Variants in ME3 observed in about 807,000 individuals in gnomAD.
ME3 encodes the protein NADP-dependent malic enzyme, mitochondrial.
A neutral mutation model predicts 68.9 loss-of-function variants in ME3; 48 were observed. The ratio of observed to expected loss-of-function variants is 0.70; its 90% CI spans 0.55 to 0.89. The LOEUF is 0.89. Among genes scored for constraint, ME3 ranks in the 40% least tolerant of loss-of-function variants. ME3 has a pLI of 0.00. For synonymous variants in ME3, 320 were observed against 318.8 expected (o/e 1.00, Z -0.04); for missense variants, 675 against 797.4 (o/e 0.85, Z 1.85).
chr11:86,614,651 G>A (rs535711711), intron 2 of ME3, among the ~76,000 whole-genome samples: 1 of 152,152 alleles, frequency 6.6e-6, no homozygotes, highest in East Asian at 1.9e-4. Context: ...TTAGCAACAG[G>A]CACCAACCAG....
intron 13 of ME3, 80 bp from the exon 14 acceptor site, chr11:86,442,999 C>T: frequency 9.2e-7 from 1 of 1,090,264 alleles, no homozygotes; most frequent in Non-Finnish European, 1.4e-6. Context: ...ACCCCAGAGA[C>T]TCACCCCACC....
chr11:86,511,176 C>T (rs988957118), intron 4 of ME3, among the ~76,000 whole-genome samples: 6 of 152,200 alleles, frequency 3.9e-5, no homozygotes, highest in Non-Finnish European at 8.8e-5. Flanking sequence ...TCCACTCTTG[C>T]CTCTCTCCTA....
chr11:86,514,803 G>A (rs1953778279), intron 4 of ME3, among the ~76,000 whole-genome samples: 1 of 152,130 alleles, frequency 6.6e-6, no homozygotes, highest in South Asian at 2.1e-4. Context: ...GTGTCTGCTG[G>A]CCCATAGTAA....
At position 86,540,613 on chromosome 11, in the gene ME3, A is replaced by G. The variant is rs536079273; in HGVS notation, c.467+15940T>C. 1.1e-4 allele frequency among the ~76,000 whole-genome samples: 17 copies of G among 152,352 alleles called. No homozygotes were observed. In the South Asian group the frequency reaches 3.5e-3, roughly 32 times the overall value. ...GTCTATAAGAAATCAGTTCATAGAT[A>G]AAGATTTCAATGTTACCACTTCAGA... On this transcript the variant is annotated intron_variant, in intron 4 of 14. Coordinates refer to ENST00000543262, the Ensembl canonical transcript of ME3.
intron 5 of ME3, among the ~76,000 whole-genome samples, chr11:86,504,983 GCA>G (rs1952976181): frequency 6.6e-6 from 1 of 152,192 alleles, no homozygotes; most frequent in African/African-American, 2.4e-5. Flanking sequence ...GAGCCACCAT[GCA>G]CAGTCTCACT....
At chr11:86,468,172 C>T (rs372561741) in intron 7 of ME3, among the ~76,000 whole-genome samples, 228 of 152,310 alleles carry the variant, frequency 1.5e-3, no homozygotes, top group African/African-American at 4.8e-3. Flanking sequence ...GACCTCTGAG[C>T]CCTTCACCAT....
At chr11:86,664,656 C>T (rs890997756) in intron 2 of ME3, among the ~76,000 whole-genome samples, 8 of 152,110 alleles carry the variant, frequency 5.3e-5, no homozygotes, top group African/African-American at 1.9e-4. Context: ...AAATTCCGAG[C>T]AGGGATGAAG....
intron 2 of ME3, among the ~76,000 whole-genome samples, chr11:86,585,575 A>G (rs543903589): frequency 6.6e-6 from 1 of 152,270 alleles, no homozygotes; most frequent in Non-Finnish European, 1.5e-5. Flanking sequence ...GAAGGAGAGG[A>G]GCTCATCTCA....
At chr11:86,495,502 T>G (rs997702306) in intron 6 of ME3, among the ~76,000 whole-genome samples, 1 of 152,196 alleles carries the variant, frequency 6.6e-6, no homozygotes, top group East Asian at 1.9e-4. Flanking sequence ...AGGCCAGCTT[T>G]TAGAAGGAAT....
At chr11:86,445,393 T>G (rs537753526) in intron 13 of ME3, among the ~76,000 whole-genome samples, 1 of 152,312 alleles carries the variant, frequency 6.6e-6, no homozygotes, top group Admixed American at 6.5e-5. Context: ...CTCACAGAAG[T>G]GGATCCAGAC....
intron 4 of ME3, among the ~76,000 whole-genome samples, chr11:86,540,100 T>C (rs1317452401): frequency 6.6e-6 from 1 of 152,224 alleles, no homozygotes; most frequent in Non-Finnish European, 1.5e-5. Flanking sequence ...ACCCAGAGAT[T>C]CATCCTTGAC....
intron 2 of ME3, among the ~76,000 whole-genome samples, chr11:86,665,133 C>A (rs1341177435): frequency 6.6e-6 from 1 of 152,186 alleles, no homozygotes; most frequent in Non-Finnish European, 1.5e-5. Context: ...TAACTGCTTA[C>A]GAGCACCAAC....
chr11:86,640,727 A>G lies in ME3; in HGVS notation c.183+31035T>C, dbSNP rs533870616. ...CTCATCACCTCTCTTCCTATCTGCCACGTTATACCTTCAGTTATGCTCTCC... is the reference window on the plus strand; with the variant it reads ...CTCATCACCTCTCTTCCTATCTGCCGCGTTATACCTTCAGTTATGCTCTCC... On this transcript the variant is annotated intron_variant, in intron 2 of 14. Coordinates refer to ENST00000543262, the Ensembl canonical transcript of ME3. Among the ~76,000 whole-genome samples the G allele has an allele frequency of 7.2e-5, 11 of 152,296 alleles. 1 individual carries two copies. In the South Asian group the frequency reaches 2.3e-3, roughly 32 times the overall value.
At chr11:86,639,186 T>C (rs1158730014) in intron 2 of ME3, among the ~76,000 whole-genome samples, 7 of 152,250 alleles carry the variant, frequency 4.6e-5, no homozygotes, top group Admixed American at 4.6e-4. Flanking sequence ...ATTGTTGTTT[T>C]AATCACAAGA....
intron 7 of ME3, among the ~76,000 whole-genome samples, chr11:86,482,147 C>T (rs1419902181): frequency 6.6e-6 from 1 of 152,164 alleles, no homozygotes; most frequent in Non-Finnish European, 1.5e-5. Flanking sequence ...TTAATACTAT[C>T]TATGGGTTGG....
intron 2 of ME3, among the ~76,000 whole-genome samples, chr11:86,565,203 A>G (rs1307895191): frequency 6.7e-6 from 1 of 149,750 alleles, no homozygotes; most frequent in Non-Finnish European, 1.5e-5. Context: ...GTACACATAC[A>G]CACACACACA....
At chr11:86,535,048 T>C (rs2139302313) in intron 4 of ME3, among the ~76,000 whole-genome samples, 1 of 152,328 alleles carries the variant, frequency 6.6e-6, no homozygotes, top group Non-Finnish European at 1.5e-5. Context: ...AGAGGTTTAC[T>C]CTCAAACACT....
exon 6 of ME3, chr11:86,497,982 T>C: frequency 6.2e-7 from 1 of 1,604,444 alleles, no homozygotes. Context: ...GGTGCCGACG[T>C]CCAGCAGCAC....
chr11:86,569,336 G>A (rs950730788), intron 2 of ME3, among the ~76,000 whole-genome samples: 2 of 152,156 alleles, frequency 1.3e-5, no homozygotes, highest in Admixed American at 1.3e-4. Context: ...CATTCTGGCT[G>A]TTGCGCTTTG....
Sources: allele counts gnomAD v4.1 joint callset (sites outside exome capture counted in the v4.1 genomes callset), GRCh38; gene constraint gnomAD v4.1.1; transcripts MANE v1.5; gene names NCBI Gene and HGNC (gene_info 2026-07-23, HGNC 2026-07-21).